PHF24: variants seen among roughly 807,000 people sequenced by gnomAD.
The protein encoded by PHF24 is PHD finger protein 24.
In PHF24, 25 loss-of-function variants were observed where a neutral mutation model predicts 42.6. The ratio of observed to expected loss-of-function variants is 0.59; its 90% CI spans 0.43 to 0.82. The LOEUF is 0.82. Among genes scored for constraint, PHF24 ranks in the 40% least tolerant of loss-of-function variants. The pLI, the probability that PHF24 is intolerant of heterozygous loss-of-function variation, is 0.00. For synonymous variants in PHF24, 185 were observed against 204.8 expected (o/e 0.90, Z 0.83); for missense variants, 470 against 538.1 (o/e 0.87, Z 1.25).
the PHF24 span, among the ~76,000 whole-genome samples, chr9:34,877,830 C>G: frequency 1.3e-5 from 2 of 151,992 alleles, no homozygotes; most frequent in African/African-American, 4.8e-5. Flanking sequence ...CACCCATCAA[C>G]CCATCACCTA....
chr9:34,681,152 G>C, the PHF24 span: 1 of 152,218 alleles, frequency 6.6e-6, no homozygotes, highest in African/African-American at 2.4e-5. Context: ...CAAAACACTT[G>C]AAAACTTGAG....
chr9:34,723,630 G>C, the PHF24 span: 1 of 1,551,722 alleles, frequency 6.4e-7, no homozygotes, highest in East Asian at 2.4e-5. Flanking sequence ...GTAAGGCTGG[G>C]CTTCTTTTGA....
At chr9:34,899,281 GA>G in the PHF24 span, among the ~76,000 whole-genome samples, 1 of 152,286 alleles carries the variant, frequency 6.6e-6, no homozygotes, top group Non-Finnish European at 1.5e-5. Context: ...TTTGTTTCTA[GA>G]AAACTTGCTT....
At chr9:34,686,546 A>G in the PHF24 span, among the ~76,000 whole-genome samples, 1 of 152,078 alleles carries the variant, frequency 6.6e-6, no homozygotes, top group East Asian at 1.9e-4. Context: ...ATGAGGCCCA[A>G]CCTCTCCCTT....
the PHF24 span, among the ~76,000 whole-genome samples, chr9:34,717,701 G>A: frequency 6.6e-6 from 1 of 152,188 alleles, no homozygotes; most frequent in Non-Finnish European, 1.5e-5. Flanking sequence ...GGTCTGAGGT[G>A]GCCTAGAGGA....
chr9:34,977,407 G>A, intron 6 of PHF24, 139 bp from the exon 7 acceptor site: 1 of 1,180,536 alleles, frequency 8.5e-7, no homozygotes, highest in Non-Finnish European at 1.2e-6. Context: ...GCATAGGACA[G>A]CCTCTGCCTT....
the PHF24 span, among the ~76,000 whole-genome samples, chr9:34,790,845 G>A: frequency 1.1e-4 from 17 of 152,354 alleles, no homozygotes; most frequent in Admixed American, 2.0e-4. Flanking sequence ...TACCTTGGGC[G>A]AAAGAAGAGC....
chr9:34,828,564 G>T, the PHF24 span, among the ~76,000 whole-genome samples: 2 of 152,110 alleles, frequency 1.3e-5, no homozygotes, highest in Non-Finnish European at 2.9e-5. Context: ...TCCTTCTGTT[G>T]TATCTTGAAT....
At chr9:34,728,205 T>C in the PHF24 span, 1 of 803,558 alleles carries the variant, frequency 1.2e-6, no homozygotes, top group Non-Finnish European at 2.0e-6. Flanking sequence ...AAGTCCGTAC[T>C]CTAAGGCATG....
chr9:34,780,551 T>C, the PHF24 span, among the ~76,000 whole-genome samples: 2 of 152,032 alleles, frequency 1.3e-5, no homozygotes, highest in Admixed American at 6.6e-5. Context: ...TCCCAAAGTG[T>C]TGGGATTATA....
chr9:34,939,423 G>T, the PHF24 span, among the ~76,000 whole-genome samples: 28 of 152,360 alleles, frequency 1.8e-4, no homozygotes, highest in African/African-American at 6.3e-4. Context: ...GAGGAAGCAG[G>T]AGGATGCTGA....
intron 1 of PHF24, among the ~76,000 whole-genome samples, chr9:34,963,258 G>GTT (rs55701555): frequency 0.027 from 3,114 of 117,040 alleles, 54 homozygotes; most frequent in Non-Finnish European, 0.041. Context: ...CTTTTTGATG[G>GTT]TTTTTTTTTT....
At chr9:34,922,115 G>C in the PHF24 span, 1 of 1,289,516 alleles carries the variant, frequency 7.8e-7, no homozygotes, top group Non-Finnish European at 1.1e-6. Context: ...CTATTTGTGG[G>C]ACAGCATGGA....
chr9:34,697,309 A>C, the PHF24 span, among the ~76,000 whole-genome samples: 1 of 152,088 alleles, frequency 6.6e-6, no homozygotes, highest in Non-Finnish European at 1.5e-5. Flanking sequence ...AGGATGTTTC[A>C]TGTTTCACAT....
chr9:34,822,126 T>C, the PHF24 span, among the ~76,000 whole-genome samples: 23 of 152,134 alleles, frequency 1.5e-4, no homozygotes, highest in Admixed American at 4.6e-4. Flanking sequence ...AACCTGACAT[T>C]ATCATTATTT....
At chr9:34,975,869 C>G (rs1827167163) in intron 3 of PHF24, among the ~76,000 whole-genome samples, 2 of 151,944 alleles carry the variant, frequency 1.3e-5, no homozygotes, top group African/African-American at 4.8e-5. Context: ...TCCAAGAAAT[C>G]CCTAGGTTAG....
At chr9:34,684,456 G>A in the PHF24 span, among the ~76,000 whole-genome samples, 23 of 152,310 alleles carry the variant, frequency 1.5e-4, no homozygotes, top group Middle Eastern at 3.4e-3. Context: ...GAGTTGTGCA[G>A]TGCTGCTGTC....
the PHF24 span, among the ~76,000 whole-genome samples, chr9:34,806,825 T>G: frequency 2.0e-5 from 3 of 152,296 alleles, no homozygotes; most frequent in Admixed American, 1.3e-4. Context: ...AGTAATGGAA[T>G]TGTTTAAAAT....
the PHF24 span, among the ~76,000 whole-genome samples, chr9:34,949,773 C>T: frequency 6.6e-6 from 1 of 151,902 alleles, no homozygotes; most frequent in African/African-American, 2.4e-5. Context: ...ACCGCATGTT[C>T]TCACTCATAA....
Sources: allele counts gnomAD v4.1 joint callset (sites outside exome capture counted in the v4.1 genomes callset), GRCh38; gene constraint gnomAD v4.1.1; transcripts MANE v1.5; gene names NCBI Gene and HGNC (gene_info 2026-07-23, HGNC 2026-07-21).